Variants in TNKS observed in about 807,000 individuals in gnomAD.
TNKS encodes the protein tankyrase.
TNKS carries 72 observed loss-of-function variants against 135.8 expected under a neutral mutation model. That is an observed-to-expected ratio of 0.53 (90% CI 0.44 to 0.64). The LOEUF (loss-of-function observed/expected upper bound fraction) is 0.64, where lower values mean the gene tolerates loss of function less well. TNKS is among the 30% of genes least tolerant of loss of function. The probability of loss-of-function intolerance (pLI) is 0.00; values close to 1 mark genes in which losing one functional copy is unlikely to be tolerated. For missense variants in TNKS, 1,769 were observed against 1,674.0 expected, an observed-to-expected ratio of 1.06 and a Z score of -0.99; for synonymous variants, 849 against 649.3, an observed-to-expected ratio of 1.31 and a Z score of -4.68.
intron 2 of TNKS, among the ~76,000 whole-genome samples, chr8:9,590,046 T>C (rs1352415235): frequency 1.3e-5 from 2 of 152,188 alleles, no homozygotes; most frequent in Non-Finnish European, 2.9e-5. Flanking sequence ...CAGCAGAGCA[T>C]TGGGGCCCTG....
intron 3 of TNKS, among the ~76,000 whole-genome samples, chr8:9,667,152 A>C (rs1292558681): frequency 1.3e-5 from 2 of 152,230 alleles, no homozygotes; most frequent in Non-Finnish European, 2.9e-5. Flanking sequence ...ACTCAAAAAC[A>C]CTTTCTTCAG....
intron 3 of TNKS, among the ~76,000 whole-genome samples, chr8:9,668,849 T>A (rs1312306687): frequency 1.3e-5 from 2 of 152,312 alleles, no homozygotes; most frequent in East Asian, 3.9e-4. Context: ...GAATAATAAA[T>A]TGAATAAATT....
At chr8:9,754,065 T>A (rs1806701314) in intron 20 of TNKS, among the ~76,000 whole-genome samples, 1 of 152,178 alleles carries the variant, frequency 6.6e-6, no homozygotes, top group Admixed American at 6.5e-5. Flanking sequence ...TCTAAGGACA[T>A]TTGCATTGAA....
chr8:9,662,137 A>C (rs1316562430), intron 3 of TNKS, among the ~76,000 whole-genome samples: 1 of 152,214 alleles, frequency 6.6e-6, no homozygotes, highest in Non-Finnish European at 1.5e-5. Flanking sequence ...ACACTTTTAC[A>C]CTGTTGGTGG....
At chr8:9,687,334 C>T (rs985662074) in intron 5 of TNKS, among the ~76,000 whole-genome samples, 1 of 152,144 alleles carries the variant, frequency 6.6e-6, no homozygotes, top group Non-Finnish European at 1.5e-5. Flanking sequence ...GTCACTTCTT[C>T]GGAGTACGTC....
chr8:9,578,992 A>G (rs968789142), intron 1 of TNKS, among the ~76,000 whole-genome samples: 1 of 152,230 alleles, frequency 6.6e-6, no homozygotes, highest in Admixed American at 6.5e-5. Flanking sequence ...TTAAATCCTC[A>G]TGGTACTGGA....
intron 5 of TNKS, among the ~76,000 whole-genome samples, chr8:9,691,186 T>C (rs747344975): frequency 2.0e-5 from 3 of 152,256 alleles, no homozygotes; most frequent in Non-Finnish European, 2.9e-5. Flanking sequence ...ACCAAGTGAC[T>C]GTCTGTTAGA....
chr8:9,620,878 C>T (rs901802633), intron 3 of TNKS, among the ~76,000 whole-genome samples: 27 of 152,144 alleles, frequency 1.8e-4, no homozygotes, highest in African/African-American at 5.8e-4. Context: ...AGAATGAAAG[C>T]ATCATAAGGG....
chr8:9,720,148 C>T (rs920189927), intron 11 of TNKS, among the ~76,000 whole-genome samples: 3 of 151,896 alleles, frequency 2.0e-5, no homozygotes, highest in Non-Finnish European at 2.9e-5. Flanking sequence ...ATGGTCATTC[C>T]GGGAAGAAAG....
intron 20 of TNKS, among the ~76,000 whole-genome samples, chr8:9,756,458 G>A (rs1156571164): frequency 2.0e-5 from 3 of 151,532 alleles, no homozygotes; most frequent in African/African-American, 7.3e-5. Flanking sequence ...TTATTTTAAT[G>A]TATACTAGAT....
chr8:9,656,953 A>ACAG lies in TNKS; in HGVS notation c.995-22997_995-22995dup, dbSNP rs1420848438. ...GGGTTGGGGGTAAGGTCACAGATCAACAGGATCCCAAGGCAGAGGAATTTT... is the reference window on the plus strand; with the variant it reads ...GGGTTGGGGGTAAGGTCACAGATCAACAGCAGGATCCCAAGGCAGAGGAATTTT... On this transcript the variant is annotated intron_variant, in intron 3 of 26. Transcript: ENST00000310430. Among the ~76,000 whole-genome samples, 4 of 129,282 alleles carry ACAG rather than the reference A, an allele frequency of 3.1e-5. No individual in the cohort carries two copies. In the Admixed American group the frequency reaches 3.1e-4, roughly 10 times the overall value. The allele number at this position is 129,282 out of a possible 152,430, so 84.8% of individuals were successfully genotyped here. A position where few individuals can be genotyped will look rare whatever the true frequency, so the allele number is the denominator to read the frequency against.
intron 11 of TNKS, among the ~76,000 whole-genome samples, chr8:9,717,101 A>ATATATATATATATTTT (rs1454492300): frequency 2.5e-5 from 3 of 119,336 alleles, no homozygotes; most frequent in African/African-American, 8.7e-5. Context: ...ATATATATAT[A>ATATATATATATATTTT]TTTTCAGGGA....
Position 9,765,812 on chromosome 8 carries a change from A to G in TNKS, c.3553+15A>G, listed in dbSNP as rs371444971. ...GTTGTTTCATGGTAAGCAGCGTGGC[A>G]GGGACGGTGGACGTCTCCCTGGGCC... On this transcript the variant is annotated intron_variant, in intron 24 of 26. Coordinates refer to ENST00000310430, the MANE Select transcript of TNKS (RefSeq NM_003747.3). 137 of 1,609,936 alleles carry G rather than the reference A, an allele frequency of 8.5e-5. No individual in the cohort carries two copies. Among genetic ancestry groups the G allele is most frequent in the Non-Finnish European group, 1.1e-4 (125 of 1,176,576 alleles).
At chr8:9,696,093 G>A (rs769804879) in intron 5 of TNKS, among the ~76,000 whole-genome samples, 3 of 152,138 alleles carry the variant, frequency 2.0e-5, no homozygotes, top group Non-Finnish European at 4.4e-5. Context: ...TAGCAAAGAG[G>A]ACTAGGTTGG....
chr8:9,642,952 G>A (rs1434415741), intron 3 of TNKS, among the ~76,000 whole-genome samples: 1 of 145,930 alleles, frequency 6.9e-6, no homozygotes, highest in Non-Finnish European at 1.5e-5. Context: ...ATAATAGTAA[G>A]GAGAGATTAA....
At chr8:9,615,964 C>G (rs1217085817) in intron 3 of TNKS, among the ~76,000 whole-genome samples, 1 of 152,110 alleles carries the variant, frequency 6.6e-6, no homozygotes, top group African/African-American at 2.4e-5. Flanking sequence ...TTTTCTGTAT[C>G]TCATCCTCTC....
chr8:9,747,455 T>C (rs1424093694), intron 17 of TNKS, among the ~76,000 whole-genome samples: 1 of 152,182 alleles, frequency 6.6e-6, no homozygotes, highest in Non-Finnish European at 1.5e-5. Context: ...CTGCTAACAT[T>C]TCCTCCACCC....
At chr8:9,664,425 C>A (rs372785873) in intron 3 of TNKS, among the ~76,000 whole-genome samples, 10 of 152,338 alleles carry the variant, frequency 6.6e-5, no homozygotes, top group African/African-American at 2.4e-4. Context: ...GATCCACCTC[C>A]ATGACTCAGA....
At chr8:9,646,876 A>C (rs916863698) in intron 3 of TNKS, among the ~76,000 whole-genome samples, 2 of 152,156 alleles carry the variant, frequency 1.3e-5, no homozygotes, top group African/African-American at 2.4e-5. Context: ...CAGTTCATCA[A>C]GTATTTGAAG....
Sources: allele counts gnomAD v4.1 joint callset (sites outside exome capture counted in the v4.1 genomes callset), GRCh38; gene constraint gnomAD v4.1.1; transcripts MANE v1.5; gene names NCBI Gene and HGNC (gene_info 2026-07-23, HGNC 2026-07-21).